NLRP2: variants seen among roughly 807,000 people sequenced by gnomAD.
NLRP2 encodes NLR family pyrin domain containing 2.
NLRP2 carries 107 observed loss-of-function variants against 97.2 expected under a neutral mutation model. That is an observed-to-expected ratio of 1.10 (90% CI 0.94 to 1.29). The LOEUF (loss-of-function observed/expected upper bound fraction) is 1.29, where lower values mean the gene tolerates loss of function less well. Among genes scored for constraint, NLRP2 ranks in the 50% most tolerant of loss-of-function variants. The probability of loss-of-function intolerance (pLI) is 0.00; values close to 1 mark genes in which losing one functional copy is unlikely to be tolerated. For missense variants in NLRP2, 1,495 were observed against 1,330.3 expected, an observed-to-expected ratio of 1.12 and a Z score of -1.93; for synonymous variants, 663 against 551.5, an observed-to-expected ratio of 1.20 and a Z score of -2.83.
rs138179625 is a variant in NLRP2, at chr19:54,983,195, C to T, written c.1497C>T (p.Tyr499=). ...LRQDRVSKGC[Y]SFIHLSFQQF... is the part of the protein sequence containing the mutation. Reference sequence around the variant, plus strand: ...AGGACAGAGTCTCCAAAGGCTGCTACTCCTTCATCCACCTCAGCTTCCAGC... The same window carrying T: ...AGGACAGAGTCTCCAAAGGCTGCTATTCCTTCATCCACCTCAGCTTCCAGC... Residue 499 remains tyrosine (Y), a synonymous_variant, in exon 6 of 13, where the codon TAC becomes TAT. Coordinates refer to ENST00000448584, the MANE Select transcript of NLRP2 (RefSeq NM_017852.5). 5.3e-5 allele frequency: 85 copies of T among 1,614,122 alleles called. No individual in the cohort carries two copies. The Middle Eastern group carries it at 8.2e-4, about 16-fold the overall frequency.
At chr19:54,988,821 CATTTCTT>C (rs1044760177) in intron 8 of NLRP2, among the ~76,000 whole-genome samples, 1 of 151,690 alleles carries the variant, frequency 6.6e-6, no homozygotes, top group Non-Finnish European at 1.5e-5. Flanking sequence ...CCCAGCCACT[CATTTCTT>C]ATGAATTTAT....
chr19:54,990,230 G>A (rs751598220), intron 9 of NLRP2, 38 bp downstream of exon 9: 5 of 1,604,466 alleles, frequency 3.1e-6, no homozygotes, highest in Middle Eastern at 1.7e-4. Context: ...CTGTGCTTTC[G>A]ATCTGGGGCC....
intron 2 of NLRP2, among the ~76,000 whole-genome samples, chr19:54,971,220 A>G (rs917678989): frequency 1.6e-4 from 24 of 150,872 alleles, no homozygotes; most frequent in African/African-American, 5.4e-4. Context: ...CCAGTCTATC[A>G]TTGTTGGACA....
chr19:54,983,755 G>T lies in NLRP2; in HGVS notation c.2030+27G>T, dbSNP rs79488410. Reference sequence around the variant, plus strand: ...TGAGAACCGTTTCACTCTACCAGTCGTTCCATCTTTAGCCTCATCCCATGC... The same window carrying T: ...TGAGAACCGTTTCACTCTACCAGTCTTTCCATCTTTAGCCTCATCCCATGC... On this transcript the variant is annotated intron_variant, in intron 6 of 12. Transcript: ENST00000448584. The T allele has an allele frequency of 6.0e-5, 97 of 1,603,722 alleles. 1 individual carries two copies. The highest frequency in any genetic ancestry group is 8.3e-5 in the Admixed American group (5 of 59,980).
At chr19:54,994,602 CTA>C (rs915342580) in intron 11 of NLRP2, among the ~76,000 whole-genome samples, 163 bp downstream of exon 11, 3 of 150,958 alleles carry the variant, frequency 2.0e-5, no homozygotes, top group African/African-American at 7.3e-5. Flanking sequence ...AAGTTCTAGT[CTA>C]TGTCTAAGTT....
At chr19:54,994,755 C>T (rs181320701) in intron 11 of NLRP2, among the ~76,000 whole-genome samples, 41 of 151,706 alleles carry the variant, frequency 2.7e-4, no homozygotes, top group African/African-American at 9.7e-4. Flanking sequence ...GGATTACAGG[C>T]GCCCGCCACC....
intron 4 of NLRP2, among the ~76,000 whole-genome samples, chr19:54,979,298 A>G (rs1479876087): frequency 3.3e-5 from 5 of 151,716 alleles, no homozygotes. Flanking sequence ...GATCAGTTTC[A>G]GATCAGCCTT....
At position 54,982,616 on chromosome 19, in the gene NLRP2, G is replaced by T. The variant is rs1161320383; in HGVS notation, c.918G>T (p.Gly306=). The part of the protein sequence containing the change: ...APGALIEDIC[G]DWEKKKPVPV... ...GGGCGCTGATCGAGGACATCTGCGG[G>T]GACTGGGAGAAGAAGAAGCCGGTGC... The change falls in exon 6 of 13, where the codon GGG becomes GGT. Residue 306 remains glycine (G), a synonymous_variant. Coordinates refer to ENST00000448584, the MANE Select transcript of NLRP2 (RefSeq NM_017852.5). The T allele has an allele frequency of 1.2e-6, 2 of 1,614,008 alleles. No individual in the cohort carries two copies. The highest frequency in any genetic ancestry group is 2.7e-5 in the African/African-American group (2 of 74,908).
intron 12 of NLRP2, among the ~76,000 whole-genome samples, chr19:54,999,614 T>C (rs1402361762): frequency 1.3e-5 from 2 of 152,064 alleles, no homozygotes; most frequent in African/African-American, 2.4e-5. Flanking sequence ...AATGGCTATA[T>C]ACCATTACAA....
At chr19:54,978,636 T>A (rs2071392370) in intron 4 of NLRP2, among the ~76,000 whole-genome samples, 4 of 151,778 alleles carry the variant, frequency 2.6e-5, no homozygotes, top group Admixed American at 2.6e-4. Context: ...GGCGGGTGGA[T>A]CAAGAGATCG....
chr19:54,996,298 C>G (rs951937916), intron 11 of NLRP2, among the ~76,000 whole-genome samples: 1 of 151,922 alleles, frequency 6.6e-6, no homozygotes, highest in Non-Finnish European at 1.5e-5. Context: ...GTCAGGAGTT[C>G]GTAGACCAGC....
intron 2 of NLRP2, chr19:54,973,928 TATGAC>T (rs1161182948): frequency 5.1e-6 from 4 of 780,918 alleles, no homozygotes; most frequent in Non-Finnish European, 9.0e-6. Context: ...GAAGTAGTGT[TATGAC>T]AGGAAGCAGA....
chr19:54,980,555 T>C (rs905020382), intron 4 of NLRP2, among the ~76,000 whole-genome samples: 2 of 152,124 alleles, frequency 1.3e-5, no homozygotes, highest in Non-Finnish European at 2.9e-5. Context: ...TTGGAGAAAG[T>C]AGGAAAAGAC....
intron 1 of NLRP2, among the ~76,000 whole-genome samples, chr19:54,968,446 T>G (rs1468099481): frequency 2.0e-5 from 3 of 151,446 alleles, no homozygotes; most frequent in Non-Finnish European, 2.9e-5. Context: ...CACCTCAGCC[T>G]CCTCAGTAGC....
intron 7 of NLRP2, 140 bp from the exon 8 acceptor site, chr19:54,986,011 A>T: frequency 2.8e-6 from 2 of 707,588 alleles, no homozygotes; most frequent in South Asian, 3.2e-5. Flanking sequence ...CAAAGAAAAA[A>T]AAAATCTGTA....
At chr19:54,992,398 CTA>C (rs990744164) in intron 10 of NLRP2, among the ~76,000 whole-genome samples, 1 of 151,866 alleles carries the variant, frequency 6.6e-6, no homozygotes, top group Non-Finnish European at 1.5e-5. Flanking sequence ...CCCACACCCA[CTA>C]TATCTAGGCC....
intron 7 of NLRP2, among the ~76,000 whole-genome samples, chr19:54,985,835 GAAAAATAC>G (rs2072035945): frequency 6.6e-6 from 1 of 151,870 alleles, no homozygotes; most frequent in Non-Finnish European, 1.5e-5. Context: ...CTGTCTCTAC[GAAAAATAC>G]AAAAATTTGC....
Position 54,984,329 on chromosome 19 carries a change from G to GTGTGTTTTTTTTTTTTTTT in NLRP2, c.2030+602_2030+603insGTGTTTTTTTTTTTTTTTT. Among the ~76,000 whole-genome samples the GTGTGTTTTTTTTTTTTTTT allele has an allele frequency of 2.8e-3, 224 of 79,660 alleles. 20 individuals are homozygous for GTGTGTTTTTTTTTTTTTTT. The highest frequency in any genetic ancestry group is 4.5e-3 in the Non-Finnish European group (178 of 39,952). The allele number at this position is 79,660 out of a possible 152,430, so 52.3% of individuals were successfully genotyped here. On this transcript the variant is annotated intron_variant, in intron 6 of 12. Coordinates refer to ENST00000448584, the MANE Select transcript of NLRP2 (RefSeq NM_017852.5). Reference sequence around the variant, plus strand: ...AACTTAAGTGGGGGTTTTTTTTTGTGTTTTTTTTTTTTTTTTTTTTTTTGG... The same window carrying GTGTGTTTTTTTTTTTTTTT: ...AACTTAAGTGGGGGTTTTTTTTTGTGTGTGTTTTTTTTTTTTTTTTTTTTTTTTTTTTTTTTTTTTTTGG...
intron 2 of NLRP2, among the ~76,000 whole-genome samples, chr19:54,973,200 AC>A (rs761050601): frequency 2.1e-3 from 313 of 146,234 alleles, no homozygotes; most frequent in Middle Eastern, 0.01. Flanking sequence ...AAAAAAAAAA[AC>A]AAACAAACAT....
Sources: gnomAD v4.1 joint callset for allele counts (sites outside exome capture counted in the v4.1 genomes callset) on GRCh38, gnomAD v4.1.1 for gene constraint, MANE v1.5 for transcripts, NCBI Gene and HGNC (gene_info 2026-07-23, HGNC 2026-07-21) for gene names.